The following HELZ variants were observed in gnomAD, a reference collection of about 807,000 sequenced individuals.
HELZ encodes the protein ATP-dependent RNA helicase with zinc finger domain.
In HELZ, 23 loss-of-function variants were observed where a neutral mutation model predicts 218.2. The observed-to-expected ratio is 0.11, with a 90% CI of 0.08 to 0.15. The LOEUF (loss-of-function observed/expected upper bound fraction) is 0.15. Among genes scored for constraint, HELZ ranks in the 10% least tolerant of loss-of-function variants. HELZ has a pLI of 1.00. For synonymous variants in HELZ, 814 were observed against 829.4 expected (o/e 0.98, Z 0.32); for missense variants, 1,813 against 2,353.7 (o/e 0.77, Z 4.75).
intron 3 of HELZ, among the ~76,000 whole-genome samples, chr17:67,232,089 A>G (rs1436055199): frequency 6.6e-6 from 1 of 151,736 alleles, no homozygotes; most frequent in Non-Finnish European, 1.5e-5. Flanking sequence ...TACTACAAAA[A>G]TAAAACTGGG....
At chr17:67,187,017 G>A (rs767685737) in intron 12 of HELZ, among the ~76,000 whole-genome samples, 2 of 152,102 alleles carry the variant, frequency 1.3e-5, no homozygotes, top group Non-Finnish European at 2.9e-5. Context: ...ATTGTCTATG[G>A]CTGCTTTCTC....
chr17:67,244,620 GC>G (rs2041420736), intron 1 of HELZ: 1 of 903,924 alleles, frequency 1.1e-6, no homozygotes, highest in Non-Finnish European at 1.3e-6. Flanking sequence ...CGGGCCGAGA[GC>G]CCTCCGCGGG....
chr17:67,211,836 G>A (rs2040458738), intron 5 of HELZ, among the ~76,000 whole-genome samples: 1 of 152,026 alleles, frequency 6.6e-6, no homozygotes, highest in Non-Finnish European at 1.5e-5. Flanking sequence ...ACTCCAGCCT[G>A]AGCGACAGAA....
intron 16 of HELZ, among the ~76,000 whole-genome samples, chr17:67,160,610 T>C (rs1201666792): frequency 6.6e-6 from 1 of 152,192 alleles, no homozygotes; most frequent in Non-Finnish European, 1.5e-5. Flanking sequence ...AACCCAAGTC[T>C]TCTGGCTCTA....
At chr17:67,097,258 T>C (rs1436574017) in intron 31 of HELZ, among the ~76,000 whole-genome samples, 1 of 152,184 alleles carries the variant, frequency 6.6e-6, no homozygotes, top group Non-Finnish European at 1.5e-5. Flanking sequence ...CTGTGAGAAT[T>C]GTCAAAATGT....
intron 12 of HELZ, chr17:67,179,541 A>G (rs1250827935): frequency 2.6e-5 from 4 of 152,248 alleles, no homozygotes; most frequent in Admixed American, 1.3e-4. Context: ...TCGTTAAATT[A>G]TACTGTAAGT....
In HELZ at chr17:67,109,344, G is replaced by C. The variant is rs757202739; in HGVS notation, c.4261C>G (p.Pro1421Ala). Residue 1421 changes from proline to alanine, a missense_variant, in exon 29 of 33, where the codon CCT (proline) becomes GCT (alanine). By Grantham distance (27) the Pro-to-Ala change is conservative. Transcript: ENST00000358691. The stretch of plus-strand genomic sequence containing the variant: ...TTGTTGGGTCCCGCCTGATATGCAG[G>C]AGAAAGCTGAGGAGGTGGCTGCTGA... ...QPQQPPPQLS[P>A]AYQAGPNNAF... The C allele has an allele frequency of 1.9e-6, 3 of 1,614,198 alleles. No homozygotes were observed. Among genetic ancestry groups the C allele is most frequent in the Non-Finnish European group, 2.5e-6 (3 of 1,180,050 alleles).
At chr17:67,219,679 T>G (rs191629059) in intron 3 of HELZ, among the ~76,000 whole-genome samples, 40 of 152,312 alleles carry the variant, frequency 2.6e-4, no homozygotes, top group African/African-American at 9.6e-4. Flanking sequence ...AGCAAGGGTT[T>G]TATTCCACAG....
chr17:67,241,431 G>A (rs911875856), intron 2 of HELZ, among the ~76,000 whole-genome samples: 1 of 152,148 alleles, frequency 6.6e-6, no homozygotes, highest in African/African-American at 2.4e-5. Context: ...CAAGCCTACT[G>A]CTTAAATAGA....
At position 67,203,321 on chromosome 17, in the gene HELZ, G is replaced by A. The variant is rs1046994977; in HGVS notation, c.370C>T (p.Leu124=). 1 of 1,613,772 alleles carries A rather than the reference G, an allele frequency of 6.2e-7. No homozygotes were observed. The highest frequency in any genetic ancestry group is 8.5e-7 in the Non-Finnish European group (1 of 1,179,904). Residue 124 remains leucine (L), a splice_region_variant and synonymous_variant, in exon 6 of 33, where the codon CTG becomes TTG. Transcript: ENST00000358691. ...ILAKSLTGES[L]NGMVTKDLTR... ...AAAATTAGAGCTTATCAACATACCA[G>A]GGACTCTCCTGTGAGTGACTTGGCA...
At chr17:67,222,725 A>G (rs1022285017) in intron 3 of HELZ, among the ~76,000 whole-genome samples, 7 of 152,218 alleles carry the variant, frequency 4.6e-5, no homozygotes, top group African/African-American at 1.7e-4. Context: ...ATCAAGCATA[A>G]AAGCAAAACT....
At chr17:67,236,208 A>T (rs1236841107) in intron 3 of HELZ, among the ~76,000 whole-genome samples, 1 of 152,252 alleles carries the variant, frequency 6.6e-6, no homozygotes, top group African/African-American at 2.4e-5. Context: ...ATTCAACATT[A>T]TATAACAAAG....
At chr17:67,152,740 A>G (rs2038723575) in intron 17 of HELZ, among the ~76,000 whole-genome samples, 2 of 147,798 alleles carry the variant, frequency 1.4e-5, no homozygotes, top group African/African-American at 5.0e-5. Flanking sequence ...AGACTAGATG[A>G]GATTACCTAG....
intron 10 of HELZ, 35 bp from the exon 11 acceptor site, chr17:67,189,731 T>A: frequency 1.5e-6 from 2 of 1,323,322 alleles, no homozygotes; most frequent in Non-Finnish European, 1.1e-6. Flanking sequence ...TATGTTTTTA[T>A]TGCTAAGGGC....
chr17:67,170,441 G>C (rs572027749), intron 13 of HELZ, among the ~76,000 whole-genome samples: 6 of 152,264 alleles, frequency 3.9e-5, no homozygotes, highest in African/African-American at 1.4e-4. Flanking sequence ...CTTGAACCAG[G>C]AGGCGGAGGT....
chr17:67,144,518 C>CA (rs1318834961), intron 21 of HELZ, among the ~76,000 whole-genome samples: 2 of 150,154 alleles, frequency 1.3e-5, no homozygotes, highest in Non-Finnish European at 3.0e-5. Flanking sequence ...GTAAAACTGA[C>CA]AGTCCATGAA....
Position 67,148,657 on chromosome 17 carries a change from G to A in HELZ, c.2533C>T (p.Leu845Phe), listed in dbSNP as rs758127454. The A allele has an allele frequency of 6.2e-7, 1 of 1,613,704 alleles. No individual in the cohort carries two copies. Among genetic ancestry groups the A allele is most frequent in the East Asian group, 2.2e-5 (1 of 44,864 alleles). Reference protein sequence around the residue: ...ARERNLHVSLLDRLYEHYPAE... With the variant: ...ARERNLHVSLFDRLYEHYPAE... ...GGGTAATGCTCATAGAGTCGGTCAAGTAATGAAACGTGAAGGTTTCTCTCC... is the reference window on the plus strand; with the variant it reads ...GGGTAATGCTCATAGAGTCGGTCAAATAATGAAACGTGAAGGTTTCTCTCC... Residue 845 changes from leucine to phenylalanine, a missense_variant, in exon 20 of 33, where the codon CTT becomes TTT. This residue lies in a region of HELZ where 714 missense variants were observed against 1,029.2 expected (regional missense o/e 0.69). Transcript: ENST00000358691.
intron 13 of HELZ, chr17:67,176,410 C>G (rs572192595): frequency 6.6e-6 from 1 of 152,330 alleles, no homozygotes; most frequent in African/African-American, 2.4e-5. Flanking sequence ...CTTCACTACT[C>G]TTTGCAAGAC....
At chr17:67,139,776 G>A (rs1169690571) in intron 21 of HELZ, among the ~76,000 whole-genome samples, 1 of 152,134 alleles carries the variant, frequency 6.6e-6, no homozygotes, top group Non-Finnish European at 1.5e-5. Context: ...CTGTTTTAAC[G>A]GCCAAGGGGC....
Sources: allele counts gnomAD v4.1 joint callset (sites outside exome capture counted in the v4.1 genomes callset), GRCh38; gene constraint gnomAD v4.1.1; regional missense constraint gnomAD v4.1.1; transcripts MANE v1.5; gene names NCBI Gene and HGNC (gene_info 2026-07-23, HGNC 2026-07-21).